The following PACRG variants were observed in gnomAD, a reference collection of about 807,000 sequenced individuals.
PACRG encodes parkin coregulated gene protein.
A neutral mutation model predicts 29.7 loss-of-function variants in PACRG; 29 were observed. The observed-to-expected ratio is 0.98, with a 90% CI of 0.73 to 1.33. The LOEUF (loss-of-function observed/expected upper bound fraction) is 1.33. PACRG is among the 40% of genes most tolerant of loss of function. The pLI, the probability that PACRG is intolerant of heterozygous loss-of-function variation, is 0.00. For missense variants in PACRG, 279 were observed against 316.2 expected (o/e 0.88, Z 0.89); for synonymous variants, 116 against 118.7 (o/e 0.98, Z 0.15).
intron 4 of PACRG, among the ~76,000 whole-genome samples, chr6:163,112,686 T>A (rs373280231): frequency 3.9e-5 from 6 of 152,290 alleles, no homozygotes; most frequent in African/African-American, 1.4e-4. Flanking sequence ...AAAGAAGACC[T>A]GAGAAGACCT....
intron 4 of PACRG, among the ~76,000 whole-genome samples, chr6:163,148,966 G>GA: frequency 1.5e-5 from 1 of 67,416 alleles, no homozygotes; most frequent in Non-Finnish European, 3.4e-5. Context: ...TATGGCGGGG[G>GA]GGGGGGGGGG....
At chr6:163,168,558 A>AACAACAAC (rs1778926757) in intron 4 of PACRG, among the ~76,000 whole-genome samples, 1 of 151,564 alleles carries the variant, frequency 6.6e-6, no homozygotes, top group African/African-American at 2.4e-5. Flanking sequence ...TATTCTAATA[A>AACAACAAC]AACAACAACA....
chr6:163,130,670 C>A (rs1000547563), intron 4 of PACRG, among the ~76,000 whole-genome samples: 1 of 152,288 alleles, frequency 6.6e-6, no homozygotes, highest in Non-Finnish European at 1.5e-5. Context: ...CATCATCTCC[C>A]ACTACTGGGC....
intron 4 of PACRG, among the ~76,000 whole-genome samples, chr6:163,284,541 T>G (rs1261799659): frequency 1.3e-5 from 2 of 152,366 alleles, no homozygotes; most frequent in African/African-American, 2.4e-5. Context: ...TTAATGTTAT[T>G]TTATTTTAGA....
At chr6:163,079,204 A>G (rs1812839552) in intron 3 of PACRG, among the ~76,000 whole-genome samples, 1 of 152,132 alleles carries the variant, frequency 6.6e-6, no homozygotes, top group Non-Finnish European at 1.5e-5. Context: ...CTTCATGGTC[A>G]TGTCTCTGCA....
At chr6:162,785,081 T>C (rs1008042397) in intron 1 of PACRG, among the ~76,000 whole-genome samples, 2 of 152,058 alleles carry the variant, frequency 1.3e-5, no homozygotes, top group Admixed American at 6.6e-5. Flanking sequence ...GCAGATTTTA[T>C]ATATATGGCT....
At chr6:162,739,582 G>A (rs1289099314) in intron 1 of PACRG, among the ~76,000 whole-genome samples, 3 of 151,930 alleles carry the variant, frequency 2.0e-5, no homozygotes, top group African/African-American at 7.3e-5. Context: ...GGTTGCTCAC[G>A]CCTGTAATCC....
chr6:162,995,096 G>A (rs537037846), intron 2 of PACRG, among the ~76,000 whole-genome samples: 24 of 151,170 alleles, frequency 1.6e-4, no homozygotes, highest in Admixed American at 2.0e-4. Flanking sequence ...CAGTCCGCCC[G>A]TTCTCAGATC....
At chr6:162,899,309 T>G (rs1795385590) in intron 2 of PACRG, among the ~76,000 whole-genome samples, 1 of 152,080 alleles carries the variant, frequency 6.6e-6, no homozygotes, top group South Asian at 2.1e-4. Context: ...ACAGGAGAGC[T>G]GGCATAGATG....
intron 2 of PACRG, among the ~76,000 whole-genome samples, chr6:162,879,738 A>C (rs1342213456): frequency 6.6e-6 from 1 of 152,110 alleles, no homozygotes; most frequent in Admixed American, 6.5e-5. Context: ...GACAGAGAGC[A>C]GGTTTCAGTC....
chr6:163,128,539 A>G (rs1349002960), intron 4 of PACRG, among the ~76,000 whole-genome samples: 1 of 152,206 alleles, frequency 6.6e-6, no homozygotes, highest in Non-Finnish European at 1.5e-5. Flanking sequence ...ATATTCATGC[A>G]AGTTATATAA....
At chr6:163,294,795 A>C (rs1291458175) in intron 4 of PACRG, among the ~76,000 whole-genome samples, 1 of 152,260 alleles carries the variant, frequency 6.6e-6, no homozygotes, top group Admixed American at 6.5e-5. Flanking sequence ...TTTCATCTGA[A>C]TAATATGTCC....
intron 4 of PACRG, among the ~76,000 whole-genome samples, chr6:163,229,632 C>G (rs113127828): frequency 6.6e-6 from 1 of 152,136 alleles, no homozygotes; most frequent in Non-Finnish European, 1.5e-5. Context: ...TAGTTAGTCT[C>G]GTGACTTTTT....
rs371071687 is a variant in PACRG at position 162,849,839 on chromosome 6, C to G, written c.291+35558C>G. Among the ~76,000 whole-genome samples, 115 of 152,224 alleles carry G rather than the reference C, an allele frequency of 7.6e-4. No individual in the cohort carries two copies. In the East Asian group the frequency reaches 0.011, roughly 15 times the overall value. On this transcript the variant is annotated intron_variant, in intron 2 of 4. Transcript: ENST00000366888. ...TTTGCCATTTGACAGTAAATAGTCG[C>G]TAATCAATATTCTCACATTTTAATG...
At chr6:162,766,099 TATTTAAAAATATGTAATAC>T (rs1214468724) in intron 1 of PACRG, among the ~76,000 whole-genome samples, 3 of 152,212 alleles carry the variant, frequency 2.0e-5, no homozygotes, top group Non-Finnish European at 4.4e-5. Context: ...TCTCTTTAGC[TATTTAAAAATATGTAATAC>T]ATTATGATTA....
At chr6:162,976,226 T>G (rs1255540957) in intron 2 of PACRG, among the ~76,000 whole-genome samples, 34 of 152,186 alleles carry the variant, frequency 2.2e-4, no homozygotes, top group Admixed American at 2.2e-3. Context: ...AAACTTAAAT[T>G]GTAAGTTTGA....
intron 4 of PACRG, among the ~76,000 whole-genome samples, chr6:163,163,621 TA>T (rs1437291792): frequency 6.6e-6 from 1 of 152,188 alleles, no homozygotes; most frequent in African/African-American, 2.4e-5. Context: ...TTTATTAGTA[TA>T]AAAAATAATA....
chr6:163,054,758 C>T (rs1810393105), intron 2 of PACRG, among the ~76,000 whole-genome samples: 1 of 152,180 alleles, frequency 6.6e-6, no homozygotes, highest in Admixed American at 6.5e-5. Context: ...TCCCACCAGC[C>T]ATTCGCATCC....
chr6:163,100,046 G>A lies in PACRG; in HGVS notation c.613+10638G>A, dbSNP rs1814953046. On this transcript the variant is annotated intron_variant, in intron 4 of 4. Transcript: ENST00000366888. ...TGCCTCTGTGTAGGAATTCCCCGCC[G>A]CTGAGGTCAGGAGGGCGGGAGTGAC... Among the ~76,000 whole-genome samples, 3 of 152,008 alleles carry A rather than the reference G, an allele frequency of 2.0e-5. 1 individual carries two copies. In the South Asian group the frequency reaches 6.2e-4, roughly 32 times the overall value.
Sources: allele counts gnomAD v4.1 joint callset (sites outside exome capture counted in the v4.1 genomes callset), GRCh38; gene constraint gnomAD v4.1.1; transcripts MANE v1.5; gene names NCBI Gene and HGNC (gene_info 2026-07-23, HGNC 2026-07-21).